KLC1: variants seen among roughly 807,000 people sequenced by gnomAD.
KLC1 encodes kinesin light chain 1.
In KLC1, 30 loss-of-function variants were observed where a neutral mutation model predicts 84.2. That is an observed-to-expected ratio of 0.36 (90% CI 0.27 to 0.48). The LOEUF is 0.48. Ranked by LOEUF, KLC1 falls within the 20% of genes least tolerant of loss-of-function variation. The pLI is 0.99. For synonymous variants in KLC1, 289 were observed against 293.3 expected (o/e 0.99, Z 0.15); for missense variants, 499 against 805.4 (o/e 0.62, Z 4.60).
chr14:103,643,103 T>C (rs1054849197), intron 1 of KLC1, among the ~76,000 whole-genome samples: 15 of 152,328 alleles, frequency 9.8e-5, no homozygotes, highest in African/African-American at 3.6e-4. Context: ...GTATTTTACT[T>C]ATCACCTAAA....
intron 15 of KLC1, 152 bp from the exon 16 acceptor site, chr14:103,700,503 G>C: frequency 1.7e-6 from 1 of 581,852 alleles, no homozygotes; most frequent in South Asian, 2.2e-5. Context: ...CTTGCCAGCA[G>C]CTCTGGCCAG....
rs746032834 is a variant in KLC1, at chr14:103,693,535, A to G, written c.1848+1110A>G. On this transcript the variant is annotated intron_variant, in intron 15 of 16. Coordinates refer to ENST00000334553, the MANE Select transcript of KLC1 (RefSeq NM_001394837.1). The surrounding 1 kb of genome is among the most constrained non-coding windows in gnomAD (Gnocchi z 5.1). ...AGTCCTGGTTAAGTGTAATTTTTCT[A>G]TTTGTTTTTTCATGCAGGAACGAAA... 5 of 1,535,406 alleles carry G rather than the reference A, an allele frequency of 3.3e-6. No homozygotes were observed. The South Asian group carries it at 4.8e-5, about 15-fold the overall frequency.
intron 1 of KLC1, among the ~76,000 whole-genome samples, chr14:103,651,972 G>T (rs753287828): frequency 2.6e-5 from 4 of 152,208 alleles, no homozygotes; most frequent in Non-Finnish European, 5.9e-5. Flanking sequence ...TGTGTAGCTT[G>T]TCTTCTGCTA....
At chr14:103,660,649 G>T (rs1028000952) in intron 3 of KLC1, among the ~76,000 whole-genome samples, 38 of 151,592 alleles carry the variant, frequency 2.5e-4, no homozygotes, top group Non-Finnish European at 4.9e-4. Context: ...AAAATTAGCT[G>T]GGTGTGGTAG....
Position 103,670,238 on chromosome 14 carries a change from A to T in KLC1, c.942A>T (p.Lys314Asn). 1 of 1,613,540 alleles carries T rather than the reference A, an allele frequency of 6.2e-7. No individual in the cohort carries two copies. The highest frequency in any genetic ancestry group is 8.5e-7 in the Non-Finnish European group (1 of 1,179,568). ...AVLYGKRGKYKEAEPLCKRAL... is the reference protein window; with the variant it reads ...AVLYGKRGKYNEAEPLCKRAL... ...TTTATGGTAAAAGAGGGAAGTACAA[A>T]GAAGCAGAGCCGTTGTGTAAAAGAG... The change falls in exon 7 of 17, where the codon AAA becomes AAT. Residue 314 changes from lysine to asparagine, a missense_variant. Physicochemically the swap from Lys to Asn is moderately conservative, Grantham distance 94 (BLOSUM62 0). Around this residue, in one of 3 missense-constraint regions of KLC1, gnomAD observed 153 missense variants for 332.4 expected, o/e 0.46. Transcript: ENST00000334553.
intron 15 of KLC1, chr14:103,698,715 C>A: frequency 7.7e-7 from 1 of 1,297,592 alleles, no homozygotes; most frequent in South Asian, 1.3e-5. Flanking sequence ...AGCTGTGCCA[C>A]GGCCCAGGCA....
chr14:103,676,933 A>G (rs1021512125), intron 11 of KLC1, among the ~76,000 whole-genome samples: 4 of 152,194 alleles, frequency 2.6e-5, no homozygotes, highest in African/African-American at 9.7e-5. Flanking sequence ...TGGTACATGA[A>G]GCATTTATCC....
intron 14 of KLC1, among the ~76,000 whole-genome samples, chr14:103,688,627 C>T (rs566924212): frequency 1.3e-5 from 2 of 152,246 alleles, no homozygotes; most frequent in South Asian, 4.1e-4. Flanking sequence ...GCTTGGTATC[C>T]CTGTGGGAGT....
At chr14:103,688,694 C>T (rs2081929128) in intron 14 of KLC1, among the ~76,000 whole-genome samples, 1 of 152,100 alleles carries the variant, frequency 6.6e-6, no homozygotes, top group Non-Finnish European at 1.5e-5. Flanking sequence ...AGGCCTGAGG[C>T]AAGAGGAGTG....
intron 14 of KLC1, among the ~76,000 whole-genome samples, chr14:103,690,274 T>C (rs982116057): frequency 6.6e-6 from 1 of 152,246 alleles, no homozygotes; most frequent in Non-Finnish European, 1.5e-5. Flanking sequence ...TTTTATACTT[T>C]GTTCTTGAGT....
At chr14:103,687,236 G>T in intron 14 of KLC1, 25 bp downstream of exon 14, 3 of 1,520,044 alleles carry the variant, frequency 2.0e-6, no homozygotes, top group South Asian at 2.4e-5. Context: ...CAGCTCTCCC[G>T]ACTCCCTGCA....
At chr14:103,656,953 C>T (rs2078882553) in intron 2 of KLC1, among the ~76,000 whole-genome samples, 1 of 152,156 alleles carries the variant, frequency 6.6e-6, no homozygotes, top group Non-Finnish European at 1.5e-5. Context: ...GTTCCAGAAA[C>T]CAGTGAGCAC....
chr14:103,652,863 G>A (rs1175114565), intron 1 of KLC1, among the ~76,000 whole-genome samples: 1 of 152,154 alleles, frequency 6.6e-6, no homozygotes, highest in Admixed American at 6.5e-5. Flanking sequence ...TAGTCTTACA[G>A]ACAACTTCCA....
At chr14:103,688,069 G>A (rs1478349829) in intron 14 of KLC1, 2 of 152,352 alleles carry the variant, frequency 1.3e-5, no homozygotes, top group African/African-American at 4.8e-5. Context: ...ATCACCTCAG[G>A]ATGGTGAAAC....
Position 103,662,185 on chromosome 14 carries a change from G to C in KLC1, c.562G>C (p.Gly188Arg), listed in dbSNP as rs1379575171. The change falls in exon 4 of 17, where the codon GGG becomes CGG. Residue 188 changes from glycine to arginine, a missense_variant. Physicochemically the swap from Gly to Arg is moderately radical, Grantham distance 125 (BLOSUM62 -2). Transcript: ENST00000334553. The stretch of plus-strand genomic sequence containing the variant: ...TTTCCCCAATGATGAAGACGACCCA[G>C]GGCAAGGAAGTGAGTGATGGGTGAT... Reference protein sequence around the residue: ...DLFPNDEDDPGQGIQQQHSSA... With the variant: ...DLFPNDEDDPRQGIQQQHSSA... 3 of 1,612,140 alleles carry C rather than the reference G, an allele frequency of 1.9e-6. No homozygotes were observed. Among genetic ancestry groups the C allele is most frequent in the Non-Finnish European group, 2.5e-6 (3 of 1,178,314 alleles).
At chr14:103,699,272 C>G in intron 15 of KLC1, 1 of 1,540,294 alleles carries the variant, frequency 6.5e-7, no homozygotes, top group East Asian at 2.4e-5. Flanking sequence ...GAGGCCACCT[C>G]ACTGCCACCC....
rs759422899 is a variant in KLC1, at chr14:103,692,417, C to G, written c.1840C>G (p.Arg614Gly). 29 of 1,536,472 alleles carry G rather than the reference C, an allele frequency of 1.9e-5. No individual in the cohort carries two copies. Among genetic ancestry groups the G allele is most frequent in the Non-Finnish European group, 2.5e-5 (29 of 1,146,988 alleles). Residue 614 changes from arginine to glycine, a missense_variant, in exon 15 of 17, where the codon CGC becomes GGC. Transcript: ENST00000334553. ...LNVGGKAAED[R>G]FQGVSGRASF... ...CGTGGGTGGCAAGGCTGCTGAAGAT[C>G]GCTTTCAAGTAAGGAGCCTACCCCG...
Position 103,701,327 on chromosome 14 carries a change from CTG to C in KLC1, c.*133_*134del. On this transcript the variant is annotated 3_prime_UTR_variant, in exon 17 of 17. Coordinates refer to ENST00000334553, the MANE Select transcript of KLC1 (RefSeq NM_001394837.1). ...CAGCGCTCACTCATTTCTCCTGCGT[CTG>C]TGTGCATAGGACATGATACTAATAA... The C allele has an allele frequency of 9.7e-7, 1 of 1,030,548 alleles. No individual in the cohort carries two copies. 63.8% of individuals were successfully genotyped at this position (1,030,548 alleles called of 1,614,324 possible). A position where few individuals can be genotyped will look rare whatever the true frequency, so the allele number is the denominator to read the frequency against.
At chr14:103,697,048 C>CT (rs1479705887) in intron 15 of KLC1, 1 of 985,346 alleles carries the variant, frequency 1.0e-6, no homozygotes, top group East Asian at 1.1e-4. Context: ...GTACCTCTGT[C>CT]TTTAAGCTGT....
Sources: allele counts gnomAD v4.1 joint callset (sites outside exome capture counted in the v4.1 genomes callset), GRCh38; gene constraint gnomAD v4.1.1; regional missense constraint gnomAD v4.1.1; non-coding constraint Gnocchi (gnomAD v3.1); transcripts MANE v1.5; gene names NCBI Gene and HGNC (gene_info 2026-07-23, HGNC 2026-07-21).